STPG2: variants seen among roughly 807,000 people sequenced by gnomAD.
STPG2 encodes sperm-tail PG-rich repeat-containing protein 2.
STPG2 carries 56 observed loss-of-function variants against 54.2 expected under a neutral mutation model. The ratio of observed to expected loss-of-function variants is 1.03; its 90% CI spans 0.83 to 1.29. The LOEUF (loss-of-function observed/expected upper bound fraction) is 1.29, where lower values mean the gene tolerates loss of function less well. STPG2 is among the 50% of genes most tolerant of loss of function. The pLI is 0.00. For missense variants in STPG2, 596 were observed against 544.9 expected, an observed-to-expected ratio of 1.09 and a Z score of -0.93; for synonymous variants, 200 against 181.8, an observed-to-expected ratio of 1.10 and a Z score of -0.81.
At chr4:97,632,607 T>C (rs900445107) in intron 10 of STPG2, among the ~76,000 whole-genome samples, 9 of 152,136 alleles carry the variant, frequency 5.9e-5, no homozygotes, top group Admixed American at 3.9e-4. Flanking sequence ...AACACATTTA[T>C]TGACTCACAG....
intron 8 of STPG2, among the ~76,000 whole-genome samples, chr4:97,871,029 T>C (rs1423529070): frequency 6.6e-6 from 1 of 150,956 alleles, no homozygotes; most frequent in Non-Finnish European, 1.5e-5. Context: ...ATAAAGACCT[T>C]TCCATCCAAA....
intron 3 of STPG2, among the ~76,000 whole-genome samples, chr4:98,116,341 T>A (rs1282796073): frequency 6.6e-6 from 1 of 151,938 alleles, no homozygotes; most frequent in Non-Finnish European, 1.5e-5. Flanking sequence ...CAAGAATCTA[T>A]GACTAATTGT....
intron 4 of STPG2, among the ~76,000 whole-genome samples, chr4:97,452,387 C>T (rs908706576): frequency 3.9e-5 from 6 of 152,114 alleles, no homozygotes; most frequent in Non-Finnish European, 8.8e-5. Context: ...TCCAGAGAGG[C>T]CCCACCTTTT....
chr4:97,721,553 CTTA>C (rs1724449120), intron 9 of STPG2, among the ~76,000 whole-genome samples: 1 of 151,956 alleles, frequency 6.6e-6, no homozygotes. Flanking sequence ...AAAAGGTCTT[CTTA>C]TTATAAGACT....
chr4:97,786,064 C>T (rs1424125887), intron 9 of STPG2, among the ~76,000 whole-genome samples: 1 of 151,894 alleles, frequency 6.6e-6, no homozygotes, highest in African/African-American at 2.4e-5. Context: ...AAAACATTTG[C>T]CACTTTAATA....
chr4:97,500,416 A>C (rs1387149536), intron 4 of STPG2, among the ~76,000 whole-genome samples: 5 of 152,080 alleles, frequency 3.3e-5, no homozygotes, highest in African/African-American at 1.2e-4. Context: ...GTAAATTTTG[A>C]AATGCCCATT....
At chr4:97,569,249 G>A (rs1470718393) in intron 10 of STPG2, among the ~76,000 whole-genome samples, 1 of 152,148 alleles carries the variant, frequency 6.6e-6, no homozygotes, top group Non-Finnish European at 1.5e-5. Context: ...CAGGGCGTTT[G>A]TAAACTGTCA....
intron 8 of STPG2, among the ~76,000 whole-genome samples, chr4:97,913,649 C>T (rs1182224252): frequency 6.6e-6 from 1 of 152,136 alleles, no homozygotes; most frequent in African/African-American, 2.4e-5. Flanking sequence ...GTGGAACACA[C>T]ACCTCCACAT....
chr4:98,130,191 C>T (rs1360119644), intron 2 of STPG2, among the ~76,000 whole-genome samples: 2 of 145,140 alleles, frequency 1.4e-5, no homozygotes, highest in East Asian at 2.3e-4. Context: ...TTTTGGAGGG[C>T]GGGGGACAAA....
chr4:97,955,813 T>C (rs1308940064), intron 7 of STPG2, among the ~76,000 whole-genome samples: 1 of 152,024 alleles, frequency 6.6e-6, no homozygotes, highest in Non-Finnish European at 1.5e-5. Context: ...ATGGAAAAGA[T>C]GGAAAGTCTA....
At chr4:98,102,577 G>C (rs1001595902) in intron 5 of STPG2, among the ~76,000 whole-genome samples, 1 of 151,804 alleles carries the variant, frequency 6.6e-6, no homozygotes, top group African/African-American at 2.4e-5. Context: ...GGGTCCCTTT[G>C]ATCATCTGCT....
chr4:97,886,626 C>T (rs149949933), intron 8 of STPG2, among the ~76,000 whole-genome samples: 21 of 152,240 alleles, frequency 1.4e-4, no homozygotes, highest in African/African-American at 4.8e-4. Flanking sequence ...AAAGACTATG[C>T]CTTCTTTTTT....
chr4:97,791,367 A>T (rs1401955659), intron 9 of STPG2, among the ~76,000 whole-genome samples: 1 of 152,208 alleles, frequency 6.6e-6, no homozygotes, highest in Non-Finnish European at 1.5e-5. Context: ...TTTCATTTAT[A>T]GTGAAATAAA....
At chr4:97,575,463 C>T (rs1016613729) in intron 10 of STPG2, among the ~76,000 whole-genome samples, 8 of 151,890 alleles carry the variant, frequency 5.3e-5, no homozygotes, top group Non-Finnish European at 7.4e-5. Flanking sequence ...AAGGTTGGTC[C>T]GACATATACA....
intron 9 of STPG2, among the ~76,000 whole-genome samples, chr4:97,738,667 C>T (rs1725110166): frequency 6.6e-6 from 1 of 152,086 alleles, no homozygotes; most frequent in South Asian, 2.1e-4. Flanking sequence ...GCTAACTATC[C>T]TAAATATATA....
intron 10 of STPG2, among the ~76,000 whole-genome samples, chr4:97,710,621 C>T (rs1724084051): frequency 6.6e-6 from 1 of 151,920 alleles, no homozygotes; most frequent in Non-Finnish European, 1.5e-5. Context: ...AAAAAGTTTA[C>T]AGCAAATATG....
intron 1 of STPG2, among the ~76,000 whole-genome samples, chr4:98,136,285 T>C (rs1388347785): frequency 6.6e-6 from 1 of 151,638 alleles, no homozygotes; most frequent in African/African-American, 2.4e-5. Flanking sequence ...TGACCTGTGA[T>C]GGAGTTACTT....
intron 10 of STPG2, among the ~76,000 whole-genome samples, chr4:97,561,702 T>A (rs1045141346): frequency 2.0e-5 from 3 of 152,244 alleles, no homozygotes; most frequent in African/African-American, 7.2e-5. Flanking sequence ...TAGGGAATCC[T>A]TTCCCCATTG....
chr4:98,090,532 T>G, intron 5 of STPG2, among the ~76,000 whole-genome samples: 1 of 152,100 alleles, frequency 6.6e-6, no homozygotes, highest in Non-Finnish European at 1.5e-5. Flanking sequence ...TTGCTTTGGC[T>G]ATGCAGGCTT....
Sources: allele counts gnomAD v4.1 joint callset (sites outside exome capture counted in the v4.1 genomes callset), GRCh38; gene constraint gnomAD v4.1.1; transcripts MANE v1.5; gene names NCBI Gene and HGNC (gene_info 2026-07-23, HGNC 2026-07-21).